ABCC5: variants seen among roughly 807,000 people sequenced by gnomAD.
ABCC5 encodes ATP-binding cassette sub-family C member 5.
A neutral mutation model predicts 160.9 loss-of-function variants in ABCC5; 61 were observed. The observed-to-expected ratio is 0.38, with a 90% CI of 0.31 to 0.47. The LOEUF is 0.47. Among genes scored for constraint, ABCC5 ranks in the 20% least tolerant of loss-of-function variants. The probability of loss-of-function intolerance (pLI) is 0.99; values close to 1 mark genes in which losing one functional copy is unlikely to be tolerated. For missense variants in ABCC5, 1,308 were observed against 1,813.3 expected (o/e 0.72, Z 5.06); for synonymous variants, 666 against 700.6 (o/e 0.95, Z 0.78).
intron 12 of ABCC5, chr3:183,967,167 T>C (rs1209847129): frequency 1.2e-5 from 2 of 161,366 alleles, no homozygotes; most frequent in South Asian, 1.8e-4. Context: ...GATGTGCTTG[T>C]TGTGTTCTCA....
At chr3:183,981,675 A>T in intron 8 of ABCC5, 52 bp downstream of exon 8, 1 of 1,593,446 alleles carries the variant, frequency 6.3e-7, no homozygotes. Flanking sequence ...TATAAGACCC[A>T]AAGAATCCAA....
chr3:183,946,542 T>C (rs185751546), intron 23 of ABCC5, among the ~76,000 whole-genome samples: 11 of 152,246 alleles, frequency 7.2e-5, no homozygotes, highest in Admixed American at 7.2e-4. Flanking sequence ...TAAAGAAAAA[T>C]GTCAAACACA....
rs369276662 is a variant in ABCC5 at position 183,979,897 on chromosome 3, C to T, written c.1148-1246G>A. On this transcript the variant is annotated intron_variant, in intron 8 of 29. Coordinates refer to ENST00000334444, the MANE Select transcript of ABCC5 (RefSeq NM_005688.4). ...GCCAATACTTTTTTTTTTTTTAAGA[C>T]GGGAGTCTCACTCTGTTGCCGAGGC... 4.0e-5 allele frequency among the ~76,000 whole-genome samples: 6 copies of T among 149,418 alleles called. No homozygotes were observed. The South Asian group carries it at 6.4e-4, about 16-fold the overall frequency.
chr3:183,965,522 C>T, intron 12 of ABCC5, 21 bp from the exon 13 acceptor site: 1 of 1,613,306 alleles, frequency 6.2e-7, no homozygotes, highest in Non-Finnish European at 8.5e-7. Context: ...AGACACCATC[C>T]AATGGCATCA....
Position 183,956,066 on chromosome 3 carries a change from C to G in ABCC5, c.2483-2796G>C, listed in dbSNP as rs1164395353. Among the ~76,000 whole-genome samples the G allele has an allele frequency of 1.4e-5, 2 of 141,584 alleles. 1 individual carries two copies. The highest frequency in any genetic ancestry group is 1.5e-4 in the Admixed American group (2 of 13,686). 92.9% of individuals were successfully genotyped at this position (141,584 alleles called of 152,430 possible). A position where few individuals can be genotyped will look rare whatever the true frequency, so the allele number is the denominator to read the frequency against. ...GTTACATGCAGATCCGTGTGTATAT[C>G]ACATCGGTTACATGCAGATCCGTGT... On this transcript the variant is annotated intron_variant, in intron 17 of 29. Coordinates refer to ENST00000334444, the MANE Select transcript of ABCC5 (RefSeq NM_005688.4).
In ABCC5 at chr3:183,953,125, G is replaced by A. The variant is rs1403573097; in HGVS notation, c.2628C>T (p.Ser876=). 1.2e-6 allele frequency: 2 copies of A among 1,614,042 alleles called. No individual in the cohort carries two copies. Among genetic ancestry groups the A allele is most frequent in the Admixed American group, 1.7e-5 (1 of 60,006 alleles). The part of the protein sequence containing the change: ...FMLNVGSTAF[S]TWWLSYWIKQ... Reference sequence around the variant, plus strand: ...TGATCCAGTAACTCAACCACCAGGTGCTGAAGGCGGTGCTGCCTACATTCA... The same window carrying A: ...TGATCCAGTAACTCAACCACCAGGTACTGAAGGCGGTGCTGCCTACATTCA... The change falls in exon 18 of 30, where the codon AGC becomes AGT. Residue 876 remains serine, a synonymous_variant. Coordinates refer to ENST00000334444, the MANE Select transcript of ABCC5 (RefSeq NM_005688.4).
In ABCC5 at chr3:183,949,901, C is replaced by T. The variant is rs372692840; in HGVS notation, c.3099-20G>A. ...AGGACCCTGGAGAGAGAATGAGCTC[C>T]GTGTCACAGCACCTACCCAGCAACT... On this transcript the variant is annotated intron_variant, in intron 21 of 29. Coordinates refer to ENST00000334444, the MANE Select transcript of ABCC5 (RefSeq NM_005688.4). This position sits in a 1 kb window ranked among gnomAD's most constrained non-coding sequence, Gnocchi z 4.2. 18 of 1,613,992 alleles carry T rather than the reference C, an allele frequency of 1.1e-5. No homozygotes were observed. The highest frequency in any genetic ancestry group is 2.7e-5 in the African/African-American group (2 of 74,916).
At chr3:183,985,219 C>A in intron 5 of ABCC5, 1 of 1,250,772 alleles carries the variant, frequency 8.0e-7, no homozygotes, top group Non-Finnish European at 1.1e-6. Flanking sequence ...TCATTTAAAT[C>A]TAAACAAACT....
intron 26 of ABCC5, among the ~76,000 whole-genome samples, chr3:183,936,532 G>T (rs1404782073): frequency 5.3e-5 from 8 of 150,926 alleles, no homozygotes; most frequent in African/African-American, 2.0e-4. Context: ...TTTTGAGATG[G>T]AGTCTCACTC....
In ABCC5 at chr3:184,014,442, G is replaced by C; in HGVS notation, c.-50C>G. 6.6e-7 allele frequency: 1 copy of C among 1,508,198 alleles called. No individual in the cohort carries two copies. Among genetic ancestry groups the C allele is most frequent in the Non-Finnish European group, 8.9e-7 (1 of 1,127,046 alleles). The allele number at this position is 1,508,198 out of a possible 1,614,324, so 93.4% of individuals were successfully genotyped here. ...CTCACAGACTGTTAGTTTCACATCA[G>C]AATTCCTGAAATTAAAAATTCATCA... On this transcript the variant is annotated 5_prime_UTR_variant, in exon 2 of 30. Coordinates refer to ENST00000334444, the MANE Select transcript of ABCC5 (RefSeq NM_005688.4).
chr3:183,987,531 C>G lies in ABCC5; in HGVS notation c.591+239G>C. The G allele has an allele frequency of 1.6e-6, 1 of 626,966 alleles. No individual in the cohort carries two copies. The highest frequency in any genetic ancestry group is 1.9e-5 in the South Asian group (1 of 53,016). 38.8% of individuals were successfully genotyped at this position (626,966 alleles called of 1,614,324 possible). Reference sequence around the variant, plus strand: ...GCACAGTCCTGTGCAGAACTGGAGTCAGTTCCATTTCACCCCCACCCAGAA... The same window carrying G: ...GCACAGTCCTGTGCAGAACTGGAGTGAGTTCCATTTCACCCCCACCCAGAA... On this transcript the variant is annotated intron_variant, in intron 5 of 29. Transcript: ENST00000334444. This position sits in a 1 kb window ranked among gnomAD's most constrained non-coding sequence, Gnocchi z 4.2.
intron 2 of ABCC5, among the ~76,000 whole-genome samples, chr3:183,999,165 T>C (rs1235369569): frequency 6.6e-6 from 1 of 151,854 alleles, no homozygotes; most frequent in Admixed American, 6.6e-5. Flanking sequence ...ACTGCACAGA[T>C]GTCTCCCACT....
chr3:183,989,405 A>C (rs764598711), intron 2 of ABCC5, 22 bp from the exon 3 acceptor site: 2 of 1,613,050 alleles, frequency 1.2e-6, no homozygotes, highest in Non-Finnish European at 1.7e-6. Context: ...GATAGGGAGA[A>C]AGGCAAGAGC....
chr3:183,924,906 G>C (rs1004599539), intron 29 of ABCC5, among the ~76,000 whole-genome samples: 16 of 152,212 alleles, frequency 1.1e-4, no homozygotes, highest in African/African-American at 3.6e-4. Context: ...ATATGGGAGA[G>C]AGAAGGGCAA....
chr3:183,941,336 G>C (rs1028131078), intron 25 of ABCC5, among the ~76,000 whole-genome samples: 1 of 152,134 alleles, frequency 6.6e-6, no homozygotes, highest in East Asian at 1.9e-4. Flanking sequence ...TCAAGGGAGA[G>C]AACAGTAAAA....
At position 183,978,573 on chromosome 3, in the gene ABCC5, A is replaced by G. The variant is rs369044043; in HGVS notation, c.1226T>C (p.Val409Ala). The change falls in exon 9 of 30, where the codon GTG becomes GCG. Residue 409 changes from valine to alanine, a missense_variant. Val to Ala is a moderately conservative substitution (Grantham distance 64). Coordinates refer to ENST00000334444, the MANE Select transcript of ABCC5 (RefSeq NM_005688.4). ...GGTCACCACGCTGGCAATCACCACC[A>G]CAATGGGAGCCACACCCACAGTGAT... The part of the protein sequence containing the change: ...QSITVGVAPI[V>A]VVIASVVTFS... The G allele has an allele frequency of 9.9e-5, 159 of 1,613,980 alleles. No individual in the cohort carries two copies. Among genetic ancestry groups the G allele is most frequent in the Non-Finnish European group, 1.3e-4 (150 of 1,180,024 alleles).
intron 2 of ABCC5, among the ~76,000 whole-genome samples, chr3:183,999,671 T>C (rs1720584097): frequency 6.6e-6 from 1 of 152,098 alleles, no homozygotes; most frequent in African/African-American, 2.4e-5. Flanking sequence ...TCCAGCTACC[T>C]GAGAGGCTAA....
intron 24 of ABCC5, among the ~76,000 whole-genome samples, chr3:183,945,470 T>A (rs1279024978): frequency 6.6e-6 from 1 of 152,182 alleles, no homozygotes; most frequent in Non-Finnish European, 1.5e-5. Context: ...ACGTTTGTCC[T>A]GCCAAAAGCT....
In ABCC5 at chr3:184,014,208, A is replaced by G. The variant is rs374220571; in HGVS notation, c.129+56T>C. On this transcript the variant is annotated intron_variant, in intron 2 of 29. Coordinates refer to ENST00000334444, the MANE Select transcript of ABCC5 (RefSeq NM_005688.4). ...TTTCTAAATTACCCATTATACGAAAAAAGATGTGTTTTAGTACAACAAGCA... is the reference window on the plus strand; with the variant it reads ...TTTCTAAATTACCCATTATACGAAAGAAGATGTGTTTTAGTACAACAAGCA... 5 of 1,533,790 alleles carry G rather than the reference A, an allele frequency of 3.3e-6. No homozygotes were observed. In the East Asian group the frequency reaches 9.2e-5, roughly 28 times the overall value.
Sources: allele counts gnomAD v4.1 joint callset (sites outside exome capture counted in the v4.1 genomes callset), GRCh38; gene constraint gnomAD v4.1.1; non-coding constraint Gnocchi (gnomAD v3.1); transcripts MANE v1.5; gene names NCBI Gene and HGNC (gene_info 2026-07-23, HGNC 2026-07-21).